PAPPA2: variants seen among roughly 807,000 people sequenced by gnomAD.
The protein encoded by PAPPA2 is pappalysin-2.
A neutral mutation model predicts 176.4 loss-of-function variants in PAPPA2; 86 were observed. The observed-to-expected ratio is 0.49, with a 90% CI of 0.41 to 0.58. The LOEUF is 0.58. Among genes scored for constraint, PAPPA2 ranks in the 20% least tolerant of loss-of-function variants. The pLI is 0.00. For synonymous variants in PAPPA2, 809 were observed against 852.2 expected (o/e 0.95, Z 0.88); for missense variants, 2,073 against 2,256.9 (o/e 0.92, Z 1.65).
At chr1:176,639,535 T>C (rs1005179524) in intron 3 of PAPPA2, among the ~76,000 whole-genome samples, 4 of 152,136 alleles carry the variant, frequency 2.6e-5, no homozygotes, top group Non-Finnish European at 5.9e-5. Context: ...GGAATAGTTC[T>C]AAGTTCCGTC....
chr1:176,706,216 A>G, intron 9 of PAPPA2, 143 bp from the exon 10 acceptor site: 1 of 634,072 alleles, frequency 1.6e-6, no homozygotes, highest in Non-Finnish European at 2.7e-6. Context: ...TATTTTCTGT[A>G]AAAGCATTCT....
intron 2 of PAPPA2, among the ~76,000 whole-genome samples, chr1:176,585,962 T>A (rs1653279459): frequency 6.6e-6 from 1 of 152,156 alleles, no homozygotes; most frequent in African/African-American, 2.4e-5. Flanking sequence ...ATCTCACTGA[T>A]TTTCCTTAAG....
intron 21 of PAPPA2, among the ~76,000 whole-genome samples, chr1:176,810,996 C>G (rs541189826): frequency 6.6e-5 from 10 of 152,140 alleles, no homozygotes; most frequent in African/African-American, 1.9e-4. Flanking sequence ...TCAGTCTTTT[C>G]TATCTGTAAG....
intron 1 of PAPPA2, among the ~76,000 whole-genome samples, chr1:176,518,685 A>G (rs1649055104): frequency 6.6e-6 from 1 of 152,196 alleles, no homozygotes; most frequent in South Asian, 2.1e-4. Flanking sequence ...ATTCCTGAAC[A>G]TGAGCCCACA....
intron 15 of PAPPA2, 101 bp downstream of exon 15, chr1:176,765,938 A>G (rs2102906324): frequency 1.4e-6 from 2 of 1,416,924 alleles, no homozygotes; most frequent in Non-Finnish European, 1.9e-6. Flanking sequence ...ATGTTTTTAA[A>G]CCATTTGAAA....
intron 3 of PAPPA2, among the ~76,000 whole-genome samples, chr1:176,641,616 A>G (rs1297704173): frequency 1.3e-5 from 2 of 151,994 alleles, no homozygotes; most frequent in Non-Finnish European, 2.9e-5. Flanking sequence ...GTTTGAAGTC[A>G]GGTAGTGTGA....
intron 22 of PAPPA2, among the ~76,000 whole-genome samples, chr1:176,840,739 G>A (rs530852151): frequency 6.6e-6 from 1 of 152,280 alleles, no homozygotes; most frequent in South Asian, 2.1e-4. Flanking sequence ...TGTCTCGTGA[G>A]CAATTATCCT....
At chr1:176,756,710 T>G (rs556348768) in intron 14 of PAPPA2, among the ~76,000 whole-genome samples, 105 of 151,784 alleles carry the variant, frequency 6.9e-4, no homozygotes, top group Admixed American at 1.1e-3. Flanking sequence ...AAGACTCTTA[T>G]TATTATTATT....
At chr1:176,686,034 TA>T (rs1659820786) in intron 4 of PAPPA2, among the ~76,000 whole-genome samples, 2 of 152,192 alleles carry the variant, frequency 1.3e-5, no homozygotes, top group Admixed American at 1.3e-4. Context: ...TGTGAGTGAT[TA>T]AAACTCATTT....
In PAPPA2 at chr1:176,699,308, G is replaced by C. The variant is rs1309852375; in HGVS notation, c.2955G>C (p.Glu985Asp). The part of the protein sequence containing the change: ...MESSQVLFDT[E>D]ILLENKESVH... Reference sequence around the variant, plus strand: ...CCTCGCAGGTCCTCTTTGACACAGAGATCTTGCTGGAAAACAAGGAGTCAG... The same window carrying C: ...CCTCGCAGGTCCTCTTTGACACAGACATCTTGCTGGAAAACAAGGAGTCAG... Residue 985 changes from glutamate (E) to aspartate (D), a missense_variant, in exon 8 of 23, where the codon GAG (glutamate) becomes GAC (aspartate). By Grantham distance (45) the Glu-to-Asp change is conservative. Coordinates refer to ENST00000367662, the MANE Select transcript of PAPPA2 (RefSeq NM_020318.3). 6.2e-7 allele frequency: 1 copy of C among 1,614,054 alleles called. No individual in the cohort carries two copies. Among genetic ancestry groups the C allele is most frequent in the Non-Finnish European group, 8.5e-7 (1 of 1,180,030 alleles).
chr1:176,528,026 C>T (rs1023705609), intron 1 of PAPPA2, among the ~76,000 whole-genome samples: 1 of 152,212 alleles, frequency 6.6e-6, no homozygotes, highest in Non-Finnish European at 1.5e-5. Context: ...CCCTTTAGTC[C>T]TGGGTAAACC....
At chr1:176,776,863 T>A (rs1369050042) in intron 17 of PAPPA2, among the ~76,000 whole-genome samples, 1 of 150,394 alleles carries the variant, frequency 6.6e-6, no homozygotes, top group East Asian at 1.9e-4. Context: ...TAGTATATAA[T>A]TTGATATAGT....
At chr1:176,618,246 T>C (rs1398201495) in intron 3 of PAPPA2, among the ~76,000 whole-genome samples, 1 of 152,206 alleles carries the variant, frequency 6.6e-6, no homozygotes, top group African/African-American at 2.4e-5. Context: ...TTGAATTTTA[T>C]GACCTCCATG....
intron 1 of PAPPA2, among the ~76,000 whole-genome samples, chr1:176,508,690 G>A (rs1174633304): frequency 2.6e-5 from 4 of 152,154 alleles, no homozygotes; most frequent in African/African-American, 9.7e-5. Flanking sequence ...TGTTGGGGGA[G>A]TGACCTCGTG....
At chr1:176,793,267 T>G (rs1665264369) in intron 19 of PAPPA2, among the ~76,000 whole-genome samples, 1 of 152,182 alleles carries the variant, frequency 6.6e-6, no homozygotes, top group Admixed American at 6.5e-5. Flanking sequence ...TTTCAATTAC[T>G]ACATCATGTA....
chr1:176,652,517 A>G (rs1370459671), intron 3 of PAPPA2, among the ~76,000 whole-genome samples: 1 of 151,710 alleles, frequency 6.6e-6, no homozygotes, highest in African/African-American at 2.4e-5. Context: ...CTAGGGATTC[A>G]TGCCCATGGG....
chr1:176,489,681 G>A (rs1176414130), intron 1 of PAPPA2, among the ~76,000 whole-genome samples: 2 of 152,114 alleles, frequency 1.3e-5, no homozygotes, highest in African/African-American at 2.4e-5. Flanking sequence ...AGGTATGTGG[G>A]TCTCCTTTTA....
At chr1:176,804,577 C>T (rs999970332) in intron 21 of PAPPA2, among the ~76,000 whole-genome samples, 1 of 152,070 alleles carries the variant, frequency 6.6e-6, no homozygotes, top group African/African-American at 2.4e-5. Context: ...ATGACTGGCA[C>T]TCCACCCACC....
At chr1:176,566,590 A>G (rs1394999438) in intron 2 of PAPPA2, among the ~76,000 whole-genome samples, 2 of 152,102 alleles carry the variant, frequency 1.3e-5, no homozygotes, top group African/African-American at 4.8e-5. Flanking sequence ...ACTCTGGTGT[A>G]GTTCTGGGGT....
Sources: allele counts gnomAD v4.1 joint callset (sites outside exome capture counted in the v4.1 genomes callset), GRCh38; gene constraint gnomAD v4.1.1; transcripts MANE v1.5; gene names NCBI Gene and HGNC (gene_info 2026-07-23, HGNC 2026-07-21).